MACF1: variants seen among roughly 807,000 people sequenced by gnomAD.
The protein encoded by MACF1 is microtubule-actin cross-linking factor 1.
A neutral mutation model predicts 854.8 loss-of-function variants in MACF1; 193 were observed. The observed-to-expected ratio is 0.23, with a 90% CI of 0.20 to 0.25. The LOEUF is 0.25. Ranked by LOEUF, MACF1 falls within the 10% of genes least tolerant of loss-of-function variation. The pLI, the probability that MACF1 is intolerant of heterozygous loss-of-function variation, is 1.00. For missense variants in MACF1, 7,722 were observed against 8,929.1 expected (o/e 0.86, Z 5.45); for synonymous variants, 3,185 against 3,226.7 (o/e 0.99, Z 0.44).
chr1:39,452,703 C>A lies in MACF1; in HGVS notation c.20633C>A (p.Thr6878Lys). 6.2e-7 allele frequency: 1 copy of A among 1,613,362 alleles called. No homozygotes were observed. The highest frequency in any genetic ancestry group is 8.5e-7 in the Non-Finnish European group (1 of 1,180,018). Reference sequence around the variant, plus strand: ...TTTCAGGCGGAAGTGTTTCGAGACACAGTCCACATGCTGTTGGAGTGGCTT... The same window carrying A: ...TTTCAGGCGGAAGTGTTTCGAGACAAAGTCCACATGCTGTTGGAGTGGCTT... ...ALKQAEVFRD[T>K]VHMLLEWLSE... The change falls in exon 87 of 101, where the codon ACA (threonine) becomes AAA (lysine). Residue 6878 changes from threonine (T) to lysine (K), a missense_variant. Thr to Lys is a moderately conservative substitution (Grantham distance 78, BLOSUM62 -1). Coordinates refer to ENST00000564288, the MANE Select transcript of MACF1 (RefSeq NM_001394062.1).
At position 39,337,302 on chromosome 1, in the gene MACF1, GAACTA is replaced by G; in HGVS notation, c.10187_10191del (p.Glu3396AlafsTer63). On this transcript the variant is annotated frameshift_variant, in exon 38 of 101. Transcript: ENST00000564288. LOFTEE classifies it high-confidence loss of function. ...TCAACCTTTGGAGCTAAACCTGGCA[GAACTA>G]CAGGATCTGCTGTGTCAGGCCAAGG... The G allele has an allele frequency of 6.2e-7, 1 of 1,614,068 alleles. No homozygotes were observed. The highest frequency in any genetic ancestry group is 8.5e-7 in the Non-Finnish European group (1 of 1,179,984).
intron 1 of MACF1, among the ~76,000 whole-genome samples, chr1:39,210,405 G>C (rs761247473): frequency 1.3e-5 from 2 of 149,558 alleles, no homozygotes; most frequent in Non-Finnish European, 3.0e-5. Flanking sequence ...ACGAGGTTTT[G>C]CTATGTTGCC....
At chr1:39,316,678 C>G (rs1646416877) in intron 28 of MACF1, 149 bp downstream of exon 28, 5 of 717,190 alleles carry the variant, frequency 7.0e-6, no homozygotes, top group Non-Finnish European at 1.1e-5. Flanking sequence ...AATATGTATT[C>G]AAAGAAGAAG....
At chr1:39,212,661 C>T (rs1030970942) in intron 1 of MACF1, among the ~76,000 whole-genome samples, 33 of 152,276 alleles carry the variant, frequency 2.2e-4, no homozygotes, top group Admixed American at 2.0e-4. Flanking sequence ...CTCATTCTGT[C>T]GCCCCGGCTG....
At chr1:39,086,666 TGAG>T (rs1641681178) in intron 2 of MACF1, among the ~76,000 whole-genome samples, 1 of 152,224 alleles carries the variant, frequency 6.6e-6, no homozygotes, top group Admixed American at 6.5e-5. Context: ...CAGTCTTCTC[TGAG>T]GAGGCCCACG....
chr1:39,107,484 A>G (rs1171909218), intron 2 of MACF1, among the ~76,000 whole-genome samples: 1 of 152,106 alleles, frequency 6.6e-6, no homozygotes, highest in Non-Finnish European at 1.5e-5. Flanking sequence ...CGAGTTGTAT[A>G]CGGTGGTCGT....
chr1:39,433,900 A>G (rs1570061427), intron 68 of MACF1, among the ~76,000 whole-genome samples: 2 of 152,014 alleles, frequency 1.3e-5, no homozygotes, highest in Non-Finnish European at 2.9e-5. Flanking sequence ...GCCAACATGG[A>G]GAAACCCTGT....
intron 3 of MACF1, among the ~76,000 whole-genome samples, chr1:39,250,851 A>G (rs2148333577): frequency 6.6e-6 from 1 of 152,244 alleles, no homozygotes; most frequent in Non-Finnish European, 1.5e-5. Context: ...TTGTAGGCCT[A>G]CTGTTTTCTA....
At position 39,439,466 on chromosome 1, in the gene MACF1, C is replaced by T. The variant is rs1230482374; in HGVS notation, c.18413C>T (p.Pro6138Leu). ...GACTTGGAAAGCCCAGGCATTGATCCTTCCATCATCAAACAACAGGTTGAA... is the reference window on the plus strand; with the variant it reads ...GACTTGGAAAGCCCAGGCATTGATCTTTCCATCATCAAACAACAGGTTGAA... The part of the protein sequence containing the change: ...VHDLESPGID[P>L]SIIKQQVEAA... The change falls in exon 72 of 101, where the codon CCT (proline) becomes CTT (leucine). Residue 6138 changes from proline (P) to leucine (L), a missense_variant. Coordinates refer to ENST00000564288, the MANE Select transcript of MACF1 (RefSeq NM_001394062.1). 1 of 1,614,170 alleles carries T rather than the reference C, an allele frequency of 6.2e-7. No individual in the cohort carries two copies. The highest frequency in any genetic ancestry group is 1.1e-5 in the South Asian group (1 of 91,076).
chr1:39,367,362 A>G (rs141036135), intron 49 of MACF1, among the ~76,000 whole-genome samples: 77 of 151,654 alleles, frequency 5.1e-4, no homozygotes, highest in African/African-American at 1.8e-3. Context: ...TAATTATTAA[A>G]TTAACTTTTT....
intron 58 of MACF1, among the ~76,000 whole-genome samples, chr1:39,393,193 A>ATAT (rs1475358337): frequency 9.6e-6 from 1 of 103,872 alleles, no homozygotes; most frequent in East Asian, 2.7e-4. Context: ...AAAAAAAAAA[A>ATAT]AAAATATATA....
At chr1:39,141,372 C>G (rs1643342401) in intron 2 of MACF1, among the ~76,000 whole-genome samples, 1 of 152,060 alleles carries the variant, frequency 6.6e-6, no homozygotes, top group South Asian at 2.1e-4. Context: ...AACAAGTTCC[C>G]AGGAGATGCT....
intron 2 of MACF1, among the ~76,000 whole-genome samples, chr1:39,174,813 AG>A (rs1352441847): frequency 6.6e-6 from 1 of 152,212 alleles, no homozygotes; most frequent in Admixed American, 6.5e-5. Context: ...GAAATATCTT[AG>A]TAGGAAAAGG....
At chr1:39,360,168 AT>A (rs1648055598) in intron 47 of MACF1, among the ~76,000 whole-genome samples, 1 of 150,438 alleles carries the variant, frequency 6.6e-6, no homozygotes, top group African/African-American at 2.4e-5. Context: ...CCACAAAAAA[AT>A]GATAAGTATG....
chr1:39,314,548 TTCTC>T lies in MACF1; in HGVS notation c.3271-946_3271-943del, dbSNP rs147825623. 8.2e-3 allele frequency among the ~76,000 whole-genome samples: 1,038 copies of T among 126,408 alleles called. 19 individuals carry two copies. The highest frequency in any genetic ancestry group is 0.027 in the African/African-American group (905 of 34,058). 82.9% of individuals were successfully genotyped at this position (126,408 alleles called of 152,430 possible). ...TATTTATTGATCTCTCAATTTCTCT[TTCTC>T]TCTCTCTCTCTCTCTCTCACACACA... On this transcript the variant is annotated intron_variant, in intron 26 of 100. Transcript: ENST00000564288.
chr1:39,361,022 G>A, intron 48 of MACF1, 21 bp downstream of exon 48: 1 of 1,602,566 alleles, frequency 6.2e-7, no homozygotes, highest in Non-Finnish European at 8.5e-7. Flanking sequence ...TGTCCCAAGA[G>A]CTAGCATAGA....
chr1:39,315,716 C>T (rs771402509), intron 27 of MACF1, 25 bp downstream of exon 27: 13 of 1,607,374 alleles, frequency 8.1e-6, no homozygotes, highest in Non-Finnish European at 1.1e-5. Flanking sequence ...GTTTTGGGTC[C>T]AAGAGCAATA....
At chr1:39,209,481 G>A (rs577048148) in intron 1 of MACF1, among the ~76,000 whole-genome samples, 1 of 152,142 alleles carries the variant, frequency 6.6e-6, no homozygotes, top group Admixed American at 6.5e-5. Flanking sequence ...CTAGGGTCTT[G>A]TTTTCCTTAC....
At chr1:39,207,863 G>T (rs1417377606) in intron 1 of MACF1, among the ~76,000 whole-genome samples, 1 of 152,054 alleles carries the variant, frequency 6.6e-6, no homozygotes, top group East Asian at 1.9e-4. Flanking sequence ...GCTGGGCGTG[G>T]TGGCTCACAC....
Sources: allele counts gnomAD v4.1 joint callset (sites outside exome capture counted in the v4.1 genomes callset), GRCh38; gene constraint gnomAD v4.1.1; transcripts MANE v1.5; gene names NCBI Gene and HGNC (gene_info 2026-07-23, HGNC 2026-07-21).